ZDHHC2: variants seen among roughly 807,000 people sequenced by gnomAD.
ZDHHC2 encodes the protein palmitoyltransferase ZDHHC2.
ZDHHC2 carries 51 observed loss-of-function variants against 55.6 expected under a neutral mutation model. That is an observed-to-expected ratio of 0.92 (90% CI 0.73 to 1.16). The LOEUF is 1.16. ZDHHC2 is among the 50% of genes most tolerant of loss of function. The pLI is 0.00. For missense variants in ZDHHC2, 491 were observed against 442.4 expected (o/e 1.11, Z -0.99); for synonymous variants, 199 against 152.9 (o/e 1.30, Z -2.22).
chr8:17,195,393 T>C, intron 3 of ZDHHC2, 111 bp from the exon 4 acceptor site: 1 of 1,253,604 alleles, frequency 8.0e-7, no homozygotes, highest in East Asian at 2.6e-5. Context: ...TCTTTGAATG[T>C]ACAATATACC....
intron 1 of ZDHHC2, among the ~76,000 whole-genome samples, chr8:17,168,160 T>A (rs781656264): frequency 2.0e-5 from 3 of 152,298 alleles, no homozygotes; most frequent in Middle Eastern, 3.4e-3. Context: ...TTTCATCTAT[T>A]TCCTATTGAC....
At chr8:17,158,866 C>G (rs1804196293) in intron 1 of ZDHHC2, among the ~76,000 whole-genome samples, 1 of 152,236 alleles carries the variant, frequency 6.6e-6, no homozygotes, top group Non-Finnish European at 1.5e-5. Flanking sequence ...TTGAAAACAA[C>G]AGTAAGTGGT....
chr8:17,208,031 C>T lies in ZDHHC2; in HGVS notation c.669C>T (p.Val223=), dbSNP rs753822329. 3.8e-6 allele frequency: 6 copies of T among 1,594,290 alleles called. No homozygotes were observed. The highest frequency in any genetic ancestry group is 5.1e-6 in the Non-Finnish European group (6 of 1,169,260). ...TCTTTGCTGCAGCTATGTTTTCTGT[C>T]AGCTTGTCTTCTCTGTTTGGCTATC... ...FLFFAAAMFS[V]SLSSLFGYHC... is the part of the protein sequence containing the mutation. The change falls in exon 8 of 13, where the codon GTC becomes GTT. Residue 223 remains valine, a synonymous_variant. Coordinates refer to ENST00000262096, the MANE Select transcript of ZDHHC2 (RefSeq NM_016353.5).
intron 1 of ZDHHC2, among the ~76,000 whole-genome samples, chr8:17,183,332 A>T (rs893472631): frequency 6.6e-6 from 1 of 152,188 alleles, no homozygotes; most frequent in African/African-American, 2.4e-5. Context: ...GTCTAGAAAG[A>T]AATGCATACC....
Position 17,184,824 on chromosome 8 carries a change from G to C in ZDHHC2, c.157+9G>C. The stretch of plus-strand genomic sequence containing the variant: ...AAACACTGGCGAACAAGGTAAGCTA[G>C]ATTATATTAATGTTATAGATTTTTT... On this transcript the variant is annotated intron_variant, in intron 2 of 12. Coordinates refer to ENST00000262096, the MANE Select transcript of ZDHHC2 (RefSeq NM_016353.5). The C allele has an allele frequency of 1.9e-6, 3 of 1,543,772 alleles. No individual in the cohort carries two copies. The highest frequency in any genetic ancestry group is 1.7e-6 in the Non-Finnish European group (2 of 1,143,320).
At chr8:17,184,760 T>A in intron 1 of ZDHHC2, 29 bp from the exon 2 acceptor site, 1 of 1,543,064 alleles carries the variant, frequency 6.5e-7, no homozygotes, top group Non-Finnish European at 8.7e-7. Flanking sequence ...AAGCTTCATG[T>A]AACCTATTAC....
At chr8:17,197,481 A>T in intron 4 of ZDHHC2, 101 bp from the exon 5 acceptor site, 5 of 1,012,260 alleles carry the variant, frequency 4.9e-6, no homozygotes, top group Non-Finnish European at 7.3e-6. Flanking sequence ...TAAATTTCAT[A>T]TGCTTTTTAA....
intron 1 of ZDHHC2, among the ~76,000 whole-genome samples, chr8:17,164,548 G>A (rs899002340): frequency 6.6e-6 from 1 of 151,608 alleles, no homozygotes; most frequent in African/African-American, 2.4e-5. Flanking sequence ...CACCCCAGAG[G>A]AACAGAGTGG....
Position 17,156,711 on chromosome 8 carries a change from A to C in ZDHHC2, c.-13A>C, listed in dbSNP as rs1299262907. ...GGCGGCGGCGGAGCTGGGCAGGTGGATGCGGCTGGAAGATGGCGCCCTCGG... is the reference window on the plus strand; with the variant it reads ...GGCGGCGGCGGAGCTGGGCAGGTGGCTGCGGCTGGAAGATGGCGCCCTCGG... On this transcript the variant is annotated 5_prime_UTR_variant, in exon 1 of 13. It removes an upstream start codon present in the reference 5' UTR. Transcript: ENST00000262096. 1 of 1,449,724 alleles carries C rather than the reference A, an allele frequency of 6.9e-7. No homozygotes were observed. Among genetic ancestry groups the C allele is most frequent in the Non-Finnish European group, 9.1e-7 (1 of 1,097,040 alleles). The allele number at this position is 1,449,724 out of a possible 1,614,324, so 89.8% of individuals were successfully genotyped here.
chr8:17,182,531 A>G (rs763807112), intron 1 of ZDHHC2, among the ~76,000 whole-genome samples: 2 of 152,192 alleles, frequency 1.3e-5, no homozygotes, highest in African/African-American at 4.8e-5. Flanking sequence ...TTCATTCTAC[A>G]AATGTTACAC....
intron 3 of ZDHHC2, among the ~76,000 whole-genome samples, chr8:17,192,473 G>T (rs1266231711): frequency 2.0e-5 from 3 of 152,166 alleles, no homozygotes; most frequent in Non-Finnish European, 2.9e-5. Flanking sequence ...TGGATTATTA[G>T]ATTTTTTTCC....
chr8:17,156,938 C>G, intron 1 of ZDHHC2, 85 bp downstream of exon 1: 3 of 1,298,150 alleles, frequency 2.3e-6, no homozygotes, highest in Non-Finnish European at 3.0e-6. Flanking sequence ...CCTCCGCTCT[C>G]GCCCCCCGGA....
chr8:17,179,379 A>G (rs1290620196), intron 1 of ZDHHC2, among the ~76,000 whole-genome samples: 1 of 152,118 alleles, frequency 6.6e-6, no homozygotes, highest in Non-Finnish European at 1.5e-5. Flanking sequence ...AGATTTTAAG[A>G]TGAAGTTCTT....
chr8:17,190,251 G>A (rs1351292810), intron 3 of ZDHHC2, among the ~76,000 whole-genome samples: 2 of 149,830 alleles, frequency 1.3e-5, no homozygotes, highest in Non-Finnish European at 3.0e-5. Context: ...TCGACACTCC[G>A]TCTCAAAAAA....
chr8:17,195,632 T>G lies in ZDHHC2; in HGVS notation c.373+8T>G, dbSNP rs773253234. ...CCAGGACCATGTCTGGAGGTAAATG[T>G]TGATAATGAGTGCTTTGCAATGGTA... On this transcript the variant is annotated splice_region_variant and intron_variant, in intron 4 of 12. Coordinates refer to ENST00000262096, the MANE Select transcript of ZDHHC2 (RefSeq NM_016353.5). The G allele has an allele frequency of 1.2e-6, 2 of 1,613,684 alleles. No homozygotes were observed. The highest frequency in any genetic ancestry group is 1.7e-6 in the Non-Finnish European group (2 of 1,179,678).
intron 1 of ZDHHC2, among the ~76,000 whole-genome samples, chr8:17,164,279 C>T (rs1404696080): frequency 6.6e-6 from 1 of 152,208 alleles, no homozygotes; most frequent in South Asian, 2.1e-4. Context: ...GAGATACTCA[C>T]AAGCAAAATT....
At chr8:17,199,574 G>GTCT (rs371326655) in intron 6 of ZDHHC2, among the ~76,000 whole-genome samples, 4 of 37,632 alleles carry the variant, frequency 1.1e-4, no homozygotes, top group African/African-American at 2.2e-4. Flanking sequence ...CTTCGTCTTT[G>GTCT]TCTTCTTCTT....
chr8:17,169,163 C>G (rs1331075156), intron 1 of ZDHHC2, among the ~76,000 whole-genome samples: 1 of 151,952 alleles, frequency 6.6e-6, no homozygotes, highest in Non-Finnish European at 1.5e-5. Context: ...CTGTATATGC[C>G]CTTGTAAACA....
intron 8 of ZDHHC2, 51 bp downstream of exon 8, chr8:17,208,143 A>G (rs1807198993): frequency 6.8e-7 from 1 of 1,464,800 alleles, no homozygotes; most frequent in South Asian, 1.4e-5. Context: ...GTATACCAAC[A>G]TTCATTGACA....
Sources: gnomAD v4.1 joint callset for allele counts (sites outside exome capture counted in the v4.1 genomes callset) on GRCh38, gnomAD v4.1.1 for gene constraint, MANE v1.5 for transcripts, NCBI Gene and HGNC (gene_info 2026-07-23, HGNC 2026-07-21) for gene names.